CDC42BPA: variants seen among roughly 807,000 people sequenced by gnomAD.
CDC42BPA encodes the protein serine/threonine-protein kinase MRCK alpha.
A neutral mutation model predicts 223.5 loss-of-function variants in CDC42BPA; 80 were observed. The ratio of observed to expected loss-of-function variants is 0.36; its 90% confidence interval spans 0.30 to 0.43. The LOEUF is 0.43. CDC42BPA is among the 20% of genes least tolerant of loss of function. The pLI is 1.00. For synonymous variants in CDC42BPA, 694 were observed against 718.6 expected, an observed-to-expected ratio of 0.97 and a Z score of 0.55; for missense variants, 1,743 against 2,099.9, an observed-to-expected ratio of 0.83 and a Z score of 3.32.
intron 2 of CDC42BPA, among the ~76,000 whole-genome samples, chr1:227,218,631 A>G (rs1675292516): frequency 6.6e-6 from 1 of 152,216 alleles, no homozygotes; most frequent in Non-Finnish European, 1.5e-5. Flanking sequence ...CTGTCTGATA[A>G]GAGAGCTAGT....
chr1:227,097,579 A>C (rs2149284004), intron 15 of CDC42BPA, among the ~76,000 whole-genome samples: 1 of 152,248 alleles, frequency 6.6e-6, no homozygotes, highest in South Asian at 2.1e-4. Context: ...GTGCCAGGAA[A>C]AGGCAGTCTA....
At position 227,178,652 on chromosome 1, in the gene CDC42BPA, C is replaced by T. The variant is rs558207997; in HGVS notation, c.599+15134G>A. Among the ~76,000 whole-genome samples, 17 of 152,274 alleles carry T rather than the reference C, an allele frequency of 1.1e-4. No homozygotes were observed. The South Asian group carries it at 3.1e-3, about 28-fold the overall frequency. On this transcript the variant is annotated intron_variant, in intron 5 of 36. Transcript: ENST00000366766. ...CTACGACTACAGGCATGTGCCACCA[C>T]GCCCAGCTAATGTTGTATTTTTAGT...
chr1:227,128,065 C>T (rs963728490), intron 11 of CDC42BPA, among the ~76,000 whole-genome samples: 6 of 152,146 alleles, frequency 3.9e-5, no homozygotes, highest in African/African-American at 1.4e-4. Flanking sequence ...CAGTAAGGCT[C>T]TACTGATCAG....
chr1:227,072,720 C>T (rs1463880791), intron 19 of CDC42BPA, among the ~76,000 whole-genome samples: 3 of 151,958 alleles, frequency 2.0e-5, no homozygotes, highest in Non-Finnish European at 2.9e-5. Context: ...TTACAGGCAA[C>T]CATGAAAGTG....
intron 6 of CDC42BPA, among the ~76,000 whole-genome samples, chr1:227,152,400 T>G (rs1489751558): frequency 6.6e-6 from 1 of 152,194 alleles, no homozygotes; most frequent in African/African-American, 2.4e-5. Flanking sequence ...TAATTTTTGT[T>G]GTGAGTGTTA....
chr1:227,068,368 A>AT (rs1677542871), intron 21 of CDC42BPA: 2 of 152,702 alleles, frequency 1.3e-5, no homozygotes, highest in Admixed American at 6.6e-5. Context: ...ATATATATAT[A>AT]AAAAATAATT....
intron 33 of CDC42BPA, 68 bp downstream of exon 33, chr1:227,016,859 A>G: frequency 7.0e-7 from 1 of 1,424,766 alleles, no homozygotes; most frequent in Admixed American, 2.5e-5. Context: ...AATCAAATAT[A>G]GTATCATCAC....
chr1:227,254,525 G>C (rs963714860), intron 1 of CDC42BPA, among the ~76,000 whole-genome samples: 3 of 152,132 alleles, frequency 2.0e-5, no homozygotes, highest in African/African-American at 7.2e-5. Context: ...TGGCACCAGA[G>C]AGCTCTTCAG....
At chr1:227,038,163 T>C (rs1338415633) in intron 24 of CDC42BPA, among the ~76,000 whole-genome samples, 2 of 109,798 alleles carry the variant, frequency 1.8e-5, no homozygotes, top group Non-Finnish European at 4.0e-5. Flanking sequence ...GCTCTGGTGA[T>C]AGTGATTAAG....
At chr1:227,263,012 C>G (rs899887644) in intron 1 of CDC42BPA, among the ~76,000 whole-genome samples, 1 of 152,118 alleles carries the variant, frequency 6.6e-6, no homozygotes, top group Non-Finnish European at 1.5e-5. Context: ...GTGGGCAGAT[C>G]ACTTGAGGTC....
chr1:227,072,176 G>A (rs1002805329), intron 20 of CDC42BPA, 32 bp downstream of exon 20: 2 of 1,154,716 alleles, frequency 1.7e-6, no homozygotes, highest in East Asian at 2.4e-5. Flanking sequence ...ATAACAGTAA[G>A]TCCTGAGTGA....
chr1:227,193,561 A>C, intron 5 of CDC42BPA: 1 of 454,672 alleles, frequency 2.2e-6, no homozygotes, highest in South Asian at 4.1e-5. Context: ...CAACTTTTAG[A>C]TACTATACAT....
At chr1:227,224,072 G>C in intron 2 of CDC42BPA, among the ~76,000 whole-genome samples, 1 of 152,056 alleles carries the variant, frequency 6.6e-6, no homozygotes, top group East Asian at 1.9e-4. Flanking sequence ...TCAAAAGACA[G>C]GTGGCATCTG....
chr1:227,098,209 T>C (rs1224616991), intron 15 of CDC42BPA, among the ~76,000 whole-genome samples: 1 of 152,042 alleles, frequency 6.6e-6, no homozygotes, highest in African/African-American at 2.4e-5. Flanking sequence ...TCCACTCTGC[T>C]GGTTCCTCAT....
intron 2 of CDC42BPA, among the ~76,000 whole-genome samples, chr1:227,226,186 G>A (rs1676836870): frequency 6.6e-6 from 1 of 152,172 alleles, no homozygotes; most frequent in African/African-American, 2.4e-5. Flanking sequence ...CTAGCCAATT[G>A]GTTTGTAAGG....
intron 1 of CDC42BPA, among the ~76,000 whole-genome samples, chr1:227,306,525 G>T (rs1692578229): frequency 6.6e-6 from 1 of 152,168 alleles, no homozygotes; most frequent in Non-Finnish European, 1.5e-5. Flanking sequence ...TCAGAAATGG[G>T]TAACACATTA....
At chr1:227,236,224 A>C (rs1168837796) in intron 2 of CDC42BPA, among the ~76,000 whole-genome samples, 1 of 152,214 alleles carries the variant, frequency 6.6e-6, no homozygotes, top group East Asian at 1.9e-4. Flanking sequence ...GATTTGACTG[A>C]ATGACAGACT....
At position 226,991,272 on chromosome 1, in the gene CDC42BPA, A is replaced by T. The variant is rs954801600; in HGVS notation, c.*2996T>A. 5 of 152,510 alleles carry T rather than the reference A, an allele frequency of 3.3e-5. No individual in the cohort carries two copies. Among genetic ancestry groups the T allele is most frequent in the African/African-American group, 1.2e-4 (5 of 41,452 alleles). The allele number at this position is 152,510 out of a possible 1,614,324, so 9.4% of individuals were successfully genotyped here. A position where few individuals can be genotyped will look rare whatever the true frequency, so the allele number is the denominator to read the frequency against. ...GGTTTCTGCTGCCATATACGTTTTT[A>T]AAATGTCCTGCATGAAAACAAAAGA... On this transcript the variant is annotated 3_prime_UTR_variant, in exon 37 of 37. Transcript: ENST00000366766.
chr1:227,259,595 CTAATACG>C (rs1161660283), intron 1 of CDC42BPA, among the ~76,000 whole-genome samples: 2 of 150,736 alleles, frequency 1.3e-5, no homozygotes, highest in East Asian at 3.9e-4. Flanking sequence ...AGCTTCCAAA[CTAATACG>C]TAATTTAGTT....
Sources: allele counts gnomAD v4.1 joint callset (sites outside exome capture counted in the v4.1 genomes callset), GRCh38; gene constraint gnomAD v4.1.1; transcripts MANE v1.5; gene names NCBI Gene and HGNC (gene_info 2026-07-23, HGNC 2026-07-21).